The following DLST variants were observed in gnomAD, a reference collection of about 807,000 sequenced individuals.
DLST encodes the protein dihydrolipoamide S-succinyltransferase, also known as dihydrolipoyllysine-residue succinyltransferase component of 2-oxoglutarate dehydrogenase complex, mitochondrial.
Under a neutral mutation model 53.1 loss-of-function variants are expected in DLST, and 17 were observed. The observed-to-expected ratio is 0.32, with a 90% CI of 0.22 to 0.48. DLST has a LOEUF of 0.48. DLST is among the 20% of genes least tolerant of loss of function. DLST has a pLI of 0.99. For missense variants in DLST, 512 were observed against 583.9 expected (o/e 0.88, Z 1.27); for synonymous variants, 206 against 204.8 (o/e 1.01, Z -0.05).
At chr14:74,882,163 G>A in intron 1 of DLST, 147 bp downstream of exon 1, 1 of 681,152 alleles carries the variant, frequency 1.5e-6, no homozygotes, top group Non-Finnish European at 2.1e-6. Flanking sequence ...GGGCGGCCCG[G>A]GGCCGTGGTT....
At chr14:74,894,250 C>T in intron 9 of DLST, 62 bp from the exon 10 acceptor site, 1 of 1,592,742 alleles carries the variant, frequency 6.3e-7, no homozygotes, top group Non-Finnish European at 8.6e-7. Context: ...TTTCTGACTA[C>T]ACGGGGAATG....
Position 74,903,560 on chromosome 14 carries a change from G to A in DLST, c.*1230G>A, listed in dbSNP as rs1475725040. On this transcript the variant is annotated 3_prime_UTR_variant, in exon 15 of 15. Transcript: ENST00000334220. Reference sequence around the variant, plus strand: ...CTGACGTTTGACACCAGGGCCAGTAGAGAGTGCCCTTTTGTATCTTAAGCC... The same window carrying A: ...CTGACGTTTGACACCAGGGCCAGTAAAGAGTGCCCTTTTGTATCTTAAGCC... 7.0e-6 allele frequency: 1 copy of A among 143,648 alleles called. No individual in the cohort carries two copies. The highest frequency in any genetic ancestry group is 1.5e-5 in the Non-Finnish European group (1 of 65,984). The allele number at this position is 143,648 out of a possible 1,614,324, so 8.9% of individuals were successfully genotyped here.
intron 8 of DLST, 42 bp downstream of exon 8, chr14:74,893,028 G>A (rs376526216): frequency 1.2e-4 from 188 of 1,582,366 alleles, no homozygotes; most frequent in Non-Finnish European, 1.6e-4. Flanking sequence ...AGAACATCTC[G>A]TCTAATATGT....
intron 7 of DLST, chr14:74,891,961 TC>T: frequency 1.8e-6 from 1 of 571,400 alleles, no homozygotes; most frequent in Non-Finnish European, 2.2e-6. Context: ...GGATATAATG[TC>T]CAGATGGGTG....
intron 10 of DLST, among the ~76,000 whole-genome samples, chr14:74,897,591 C>T (rs1884110388): frequency 6.6e-6 from 1 of 152,214 alleles, no homozygotes; most frequent in African/African-American, 2.4e-5. Context: ...CACAAGTGGC[C>T]ACTTTTCTAA....
At chr14:74,901,044 C>T (rs1325884097) in intron 13 of DLST, 22 bp from the exon 14 acceptor site, 1 of 1,611,714 alleles carries the variant, frequency 6.2e-7, no homozygotes, top group Non-Finnish European at 8.5e-7. Flanking sequence ...CTTGATATTT[C>T]AATTATGAAA....
In DLST at chr14:74,894,299, C is replaced by G. The variant is rs1252282127; in HGVS notation, c.673-13C>G. The G allele has an allele frequency of 6.2e-7, 1 of 1,613,656 alleles. No individual in the cohort carries two copies. The highest frequency in any genetic ancestry group is 8.5e-7 in the Non-Finnish European group (1 of 1,179,832). On this transcript the variant is annotated splice_polypyrimidine_tract_variant and intron_variant, in intron 9 of 14. Transcript: ENST00000334220. ...GATCAGATTGTCAATGCTTGTTCCA[C>G]TCTTACTTTCAGGAGAAAATGAACA...
rs369565518 is a variant in DLST at position 74,902,340 on chromosome 14, A to G, written c.*10A>G. ...CCTCCTGGATCTTTAGGAGGAACCC[A>G]CACACCCTACAAGTTGATCATGCAG... On this transcript the variant is annotated 3_prime_UTR_variant, in exon 15 of 15. Coordinates refer to ENST00000334220, the MANE Select transcript of DLST (RefSeq NM_001933.5). 3.7e-6 allele frequency: 6 copies of G among 1,606,958 alleles called. No individual in the cohort carries two copies. Among genetic ancestry groups the G allele is most frequent in the Non-Finnish European group, 5.1e-6 (6 of 1,176,138 alleles).
At chr14:74,882,851 T>A (rs1883575692) in intron 2 of DLST, among the ~76,000 whole-genome samples, 1 of 152,218 alleles carries the variant, frequency 6.6e-6, no homozygotes, top group African/African-American at 2.4e-5. Flanking sequence ...CAGGAGTGGA[T>A]ACAGAAGTGT....
At chr14:74,884,148 G>T (rs1242256439) in intron 2 of DLST, among the ~76,000 whole-genome samples, 1 of 152,240 alleles carries the variant, frequency 6.6e-6, no homozygotes, top group East Asian at 1.9e-4. Flanking sequence ...GGAATTGCTT[G>T]TGCAAAGGTT....
Position 74,900,391 on chromosome 14 carries a change from T to C in DLST, c.1059+19T>C. 1 of 1,608,328 alleles carries C rather than the reference T, an allele frequency of 6.2e-7. No homozygotes were observed. Among genetic ancestry groups the C allele is most frequent in the Non-Finnish European group, 8.5e-7 (1 of 1,174,970 alleles). On this transcript the variant is annotated intron_variant, in intron 13 of 14. Coordinates refer to ENST00000334220, the MANE Select transcript of DLST (RefSeq NM_001933.5). ...AGAGAAGGTAAAGTAGAAAGATGTATACAAGCTGCTAAGCAGGCGAGGGAA... is the reference window on the plus strand; with the variant it reads ...AGAGAAGGTAAAGTAGAAAGATGTACACAAGCTGCTAAGCAGGCGAGGGAA...
At chr14:74,900,231 G>C in intron 12 of DLST, 58 bp from the exon 13 acceptor site, 1 of 1,509,502 alleles carries the variant, frequency 6.6e-7, no homozygotes, top group Non-Finnish European at 9.2e-7. Context: ...CAAGGGAGTT[G>C]TTAACTATAA....
chr14:74,894,171 A>G, intron 9 of DLST, 141 bp from the exon 10 acceptor site: 1 of 942,092 alleles, frequency 1.1e-6, no homozygotes, highest in Non-Finnish European at 1.5e-6. Flanking sequence ...ACCACAGGAA[A>G]GGGAAGCCTG....
chr14:74,890,056 G>GCT, intron 6 of DLST, 104 bp downstream of exon 6: 1 of 782,346 alleles, frequency 1.3e-6, no homozygotes. Context: ...TTTTTAACTA[G>GCT]CTCTAACTTC....
Position 74,882,605 on chromosome 14 carries a change from A to C in DLST, c.78A>C (p.Leu26=). The stretch of plus-strand genomic sequence containing the variant: ...TTTCTCAACAGGGGAACTGCCCTCT[A>C]GGGAGACGTTCCCTGCCTGGTAAGT... ...LSAFQKGNCP[L]GRRSLPGVSL... is the part of the protein sequence containing the mutation. Residue 26 remains leucine, a synonymous_variant, in exon 2 of 15, where the codon CTA becomes CTC. Coordinates refer to ENST00000334220, the MANE Select transcript of DLST (RefSeq NM_001933.5). 1.2e-6 allele frequency: 2 copies of C among 1,613,816 alleles called. No individual in the cohort carries two copies. Among genetic ancestry groups the C allele is most frequent in the African/African-American group, 1.3e-5 (1 of 74,966 alleles).
At chr14:74,890,124 C>CTTTTTTTTT (rs34237381) in intron 6 of DLST, among the ~76,000 whole-genome samples, 172 bp downstream of exon 6, 1 of 85,104 alleles carries the variant, frequency 1.2e-5, no homozygotes, top group Non-Finnish European at 2.1e-5. Context: ...TTACATTTAA[C>CTTTTTTTTT]TTTTTTTTTT....
At chr14:74,889,870 C>G in intron 5 of DLST, 27 bp from the exon 6 acceptor site, 1 of 1,613,044 alleles carries the variant, frequency 6.2e-7, no homozygotes, top group Non-Finnish European at 8.5e-7. Context: ...TAACAGGTAG[C>G]CTTGTAGCCT....
chr14:74,882,689 T>A, intron 2 of DLST, 65 bp downstream of exon 2: 1 of 1,458,916 alleles, frequency 6.9e-7, no homozygotes, highest in Non-Finnish European at 9.6e-7. Flanking sequence ...TGTGAGGAAC[T>A]CGGGGGTGCC....
chr14:74,882,089 A>C (rs2140182469), intron 1 of DLST, 73 bp downstream of exon 1: 2 of 1,341,498 alleles, frequency 1.5e-6, no homozygotes, highest in Non-Finnish European at 1.9e-6. Context: ...CCTGGAAGGC[A>C]GGGGCGCGGC....
Sources: gnomAD v4.1 joint callset for allele counts (sites outside exome capture counted in the v4.1 genomes callset) on GRCh38, gnomAD v4.1.1 for gene constraint, MANE v1.5 for transcripts, NCBI Gene and HGNC (gene_info 2026-07-23, HGNC 2026-07-21) for gene names.